DSCAML1: variants seen among roughly 807,000 people sequenced by gnomAD.
DSCAML1 encodes DS cell adhesion molecule like 1, also known as cell adhesion molecule DSCAML1.
Under a neutral mutation model 200.5 loss-of-function variants are expected in DSCAML1, and 38 were observed. The ratio of observed to expected loss-of-function variants is 0.19; its 90% confidence interval spans 0.15 to 0.25. The LOEUF (loss-of-function observed/expected upper bound fraction) is 0.25, where lower values mean the gene tolerates loss of function less well. DSCAML1 is among the 10% of genes least tolerant of loss of function. DSCAML1 has a pLI of 1.00. For missense variants in DSCAML1, 2,223 were observed against 2,858.8 expected, an observed-to-expected ratio of 0.78 and a Z score of 5.07; for synonymous variants, 1,215 against 1,165.0, an observed-to-expected ratio of 1.04 and a Z score of -0.87.
chr11:117,522,674 A>G (rs1353936298), intron 5 of DSCAML1, among the ~76,000 whole-genome samples: 1 of 152,146 alleles, frequency 6.6e-6, no homozygotes, highest in Admixed American at 6.5e-5. Flanking sequence ...GTCAGTGCAC[A>G]TTGAGTCAGG....
intron 3 of DSCAML1, among the ~76,000 whole-genome samples, chr11:117,605,579 A>G (rs1311536446): frequency 6.6e-6 from 1 of 152,220 alleles, no homozygotes; most frequent in Admixed American, 6.5e-5. Context: ...TTGTTGGACT[A>G]GATTTCTCCA....
chr11:117,536,571 C>T (rs2137354592), intron 3 of DSCAML1, among the ~76,000 whole-genome samples: 1 of 152,322 alleles, frequency 6.6e-6, no homozygotes, highest in Middle Eastern at 3.4e-3. Context: ...TTGCTAAGGG[C>T]ATTTAGTGGT....
At chr11:117,477,392 ATGTG>A (rs796616030) in intron 14 of DSCAML1, among the ~76,000 whole-genome samples, 5 of 84,424 alleles carry the variant, frequency 5.9e-5, no homozygotes, top group Admixed American at 1.1e-4. Context: ...GTGTGTGTGT[ATGTG>A]TGTGTGTATG....
rs193138212 is a variant in DSCAML1, at chr11:117,515,539, C to T, written c.1783+928G>A. ...TCATTTGATCCACAGACTTAGTGAG[C>T]GGCTACCCAGGACCAGGCATGAAAC... On this transcript the variant is annotated intron_variant, in intron 8 of 32. Transcript: ENST00000651296. 2.5e-3 allele frequency among the ~76,000 whole-genome samples: 367 copies of T among 149,732 alleles called. 6 individuals are homozygous for T. The highest frequency in any genetic ancestry group is 2.2e-3 in the Non-Finnish European group (149 of 67,506).
chr11:117,613,838 C>G lies in DSCAML1; in HGVS notation c.512-81316G>C, dbSNP rs547804194. On this transcript the variant is annotated intron_variant, in intron 3 of 32. Coordinates refer to ENST00000651296, the MANE Select transcript of DSCAML1 (RefSeq NM_020693.4). The stretch of plus-strand genomic sequence containing the variant: ...AGGGTTGGGGGTGTGGGAGCAGACC[C>G]CTGCAGAGCTCAGAGGTCTTGGCTG... Among the ~76,000 whole-genome samples, 68 of 152,276 alleles carry G rather than the reference C, an allele frequency of 4.5e-4. 1 individual carries two copies. The highest frequency in any genetic ancestry group is 2.9e-3 in the South Asian group (14 of 4,820).
At chr11:117,637,279 C>G (rs925252583) in intron 3 of DSCAML1, among the ~76,000 whole-genome samples, 1 of 152,078 alleles carries the variant, frequency 6.6e-6, no homozygotes, top group African/African-American at 2.4e-5. Context: ...AGTTTCTTAA[C>G]AGCAGAGACC....
chr11:117,539,708 G>A (rs2509004), intron 3 of DSCAML1, among the ~76,000 whole-genome samples: 30,541 of 149,842 alleles, frequency 0.2, 3,522 homozygotes, highest in South Asian at 0.41. Flanking sequence ...TCAAGATTAA[G>A]TAGTGTGATG....
chr11:117,809,159 C>T (rs188049598), intron 1 of DSCAML1, among the ~76,000 whole-genome samples: 168 of 152,370 alleles, frequency 1.1e-3, no homozygotes, highest in Admixed American at 2.9e-3. Context: ...TTAGGAGAGG[C>T]GACCTCAGGA....
At chr11:117,627,148 ATAATT>A (rs2052063984) in intron 3 of DSCAML1, among the ~76,000 whole-genome samples, 1 of 152,220 alleles carries the variant, frequency 6.6e-6, no homozygotes, top group Non-Finnish European at 1.5e-5. Context: ...CAAGAGAAAT[ATAATT>A]TATTCTTTTT....
intron 3 of DSCAML1, among the ~76,000 whole-genome samples, chr11:117,560,917 C>T (rs1328650251): frequency 6.6e-6 from 1 of 152,188 alleles, no homozygotes; most frequent in Non-Finnish European, 1.5e-5. Context: ...TAACTCCCCA[C>T]CCTGGTGGGG....
intron 3 of DSCAML1, among the ~76,000 whole-genome samples, chr11:117,682,499 C>T (rs1257819942): frequency 9.9e-5 from 15 of 152,176 alleles, no homozygotes; most frequent in Admixed American, 7.2e-4. Flanking sequence ...GTAAATGAGG[C>T]TTTTCTGTAT....
At chr11:117,735,489 C>T (rs372742733) in intron 3 of DSCAML1, among the ~76,000 whole-genome samples, 9 of 147,408 alleles carry the variant, frequency 6.1e-5, no homozygotes, top group Non-Finnish European at 9.0e-5. Flanking sequence ...AGAGGCTGGG[C>T]GGGGCAGGGG....
rs773755644 is a variant in DSCAML1 at position 117,516,468 on chromosome 11, T to A, written c.1782A>T (p.Lys594Asn). 8 of 1,611,330 alleles carry A rather than the reference T, an allele frequency of 5.0e-6. No homozygotes were observed. The highest frequency in any genetic ancestry group is 6.8e-6 in the Non-Finnish European group (8 of 1,178,298). The change falls in exon 8 of 33, where the codon AAA (lysine) becomes AAT (asparagine). Residue 594 changes from lysine (K) to asparagine (N), a missense_variant and splice_region_variant. Coordinates refer to ENST00000651296, the MANE Select transcript of DSCAML1 (RefSeq NM_020693.4). The surrounding 1 kb of genome is among the most constrained non-coding windows in gnomAD (Gnocchi z 5.7). Reference protein sequence around the residue: ...SISQSVHVAVKVPPLIQPFEF... With the variant: ...SISQSVHVAVNVPPLIQPFEF... ...CCCTGGCTGGTGAGGGAGGCCTACC[T>A]TTGACGGCTACGTGAACGCTCTGGC...
intron 14 of DSCAML1, among the ~76,000 whole-genome samples, chr11:117,476,449 G>A (rs1272304723): frequency 6.6e-6 from 1 of 152,180 alleles, no homozygotes; most frequent in African/African-American, 2.4e-5. Flanking sequence ...GACAGCTCAC[G>A]ACATCTCAAC....
Position 117,606,825 on chromosome 11 carries a change from T to G in DSCAML1, c.512-74303A>C, listed in dbSNP as rs1351482483. ...TTGGATTCTGATGCTGATGTCTGTT[T>G]TCTTCAAAAAATTCCTTGGCTTTCT... is the stretch of plus-strand genomic sequence containing the variant. On this transcript the variant is annotated intron_variant, in intron 3 of 32. Coordinates refer to ENST00000651296, the MANE Select transcript of DSCAML1 (RefSeq NM_020693.4). Among the ~76,000 whole-genome samples, 3 of 152,344 alleles carry G rather than the reference T, an allele frequency of 2.0e-5. No homozygotes were observed. The East Asian group carries it at 5.8e-4, about 29-fold the overall frequency.
intron 3 of DSCAML1, among the ~76,000 whole-genome samples, chr11:117,761,640 G>C (rs538048301): frequency 5.3e-5 from 8 of 152,378 alleles, no homozygotes; most frequent in African/African-American, 1.9e-4. Context: ...GAAGGCTGAG[G>C]TGGGAGGATC....
intron 3 of DSCAML1, among the ~76,000 whole-genome samples, chr11:117,664,213 A>G (rs769147051): frequency 1.3e-5 from 2 of 152,276 alleles, no homozygotes; most frequent in Non-Finnish European, 2.9e-5. Context: ...AGACTTGCAG[A>G]GAACCCGAGG....
chr11:117,777,815 G>A lies in DSCAML1; in HGVS notation c.365-878C>T, dbSNP rs144076308. 2.4e-3 allele frequency among the ~76,000 whole-genome samples: 359 copies of A among 152,294 alleles called. 1 individual carries two copies. Among genetic ancestry groups the A allele is most frequent in the Middle Eastern group, 0.014 (4 of 294 alleles). On this transcript the variant is annotated intron_variant, in intron 2 of 32. Coordinates refer to ENST00000651296, the MANE Select transcript of DSCAML1 (RefSeq NM_020693.4). Reference sequence around the variant, plus strand: ...CTGGCCCTACAGGCAGGCAGACCCAGCCCTAGGAATGGGACCAAGGCTTCT... The same window carrying A: ...CTGGCCCTACAGGCAGGCAGACCCAACCCTAGGAATGGGACCAAGGCTTCT...
At chr11:117,588,168 T>C (rs1165434465) in intron 3 of DSCAML1, among the ~76,000 whole-genome samples, 3 of 152,078 alleles carry the variant, frequency 2.0e-5, no homozygotes, top group Admixed American at 2.0e-4. Context: ...GTCATATAGC[T>C]AATAGAGGAC....
Sources: allele counts gnomAD v4.1 joint callset (sites outside exome capture counted in the v4.1 genomes callset), GRCh38; gene constraint gnomAD v4.1.1; non-coding constraint Gnocchi (gnomAD v3.1); transcripts MANE v1.5; gene names NCBI Gene and HGNC (gene_info 2026-07-23, HGNC 2026-07-21).